The following DPP6 variants were observed in gnomAD, a reference collection of about 807,000 sequenced individuals.
The protein encoded by DPP6 is dipeptidyl peptidase like 6.
DPP6 carries 69 observed loss-of-function variants against 122.6 expected under a neutral mutation model. The observed-to-expected ratio is 0.56, with a 90% CI of 0.46 to 0.69. The LOEUF (loss-of-function observed/expected upper bound fraction) is 0.69, where lower values mean the gene tolerates loss of function less well. DPP6 is among the 30% of genes least tolerant of loss of function. The pLI is 0.00. For synonymous variants in DPP6, 418 were observed against 433.1 expected (o/e 0.97, Z 0.43); for missense variants, 928 against 1,116.9 (o/e 0.83, Z 2.41).
At chr7:153,831,785 G>A in the DPP6 span, among the ~76,000 whole-genome samples, 7 of 152,264 alleles carry the variant, frequency 4.6e-5, no homozygotes, top group Admixed American at 3.3e-4. Flanking sequence ...CCCATGAGGC[G>A]ATTGTTTGCA....
chr7:153,954,198 A>G lies in DPP6; in HGVS notation c.51+66464A>G, dbSNP rs559042460. 5.3e-5 allele frequency among the ~76,000 whole-genome samples: 8 copies of G among 152,334 alleles called. No individual in the cohort carries two copies. The East Asian group carries it at 1.5e-3, about 29-fold the overall frequency. ...GCCCTTACAAGAAAATGTCCTTTGG[A>G]CTATAATGTTTGTCTGTAAAGTGTC... On this transcript the variant is annotated intron_variant, in intron 1 of 25. Coordinates refer to the DPP6 transcript ENST00000404039.
At chr7:154,501,964 A>G (rs1373160526) in intron 3 of DPP6, among the ~76,000 whole-genome samples, 1 of 152,148 alleles carries the variant, frequency 6.6e-6, no homozygotes, top group Non-Finnish European at 1.5e-5. Flanking sequence ...GCCCAAAACC[A>G]TAAGAACCCA....
intron 1 of DPP6, among the ~76,000 whole-genome samples, chr7:153,918,524 AACACACACACACACACAC>A (rs71182852): frequency 3.9e-5 from 3 of 77,484 alleles, no homozygotes; most frequent in South Asian, 4.6e-4. Flanking sequence ...AGGTAATTAA[AACACACACACACACACAC>A]ACACACACAC....
intron 1 of DPP6, among the ~76,000 whole-genome samples, chr7:153,913,299 C>T (rs1381303973): frequency 1.3e-5 from 2 of 152,134 alleles, no homozygotes; most frequent in African/African-American, 4.8e-5. Flanking sequence ...GTCTCAAACT[C>T]CTGACCTCAA....
chr7:154,278,085 G>A (rs111647330), intron 1 of DPP6, among the ~76,000 whole-genome samples: 1 of 152,138 alleles, frequency 6.6e-6, no homozygotes, highest in Non-Finnish European at 1.5e-5. Flanking sequence ...TCTGTATAAC[G>A]AAATTCAGTG....
intron 1 of DPP6, among the ~76,000 whole-genome samples, chr7:153,955,739 CGTT>C (rs1802430920): frequency 6.6e-6 from 1 of 151,942 alleles, no homozygotes; most frequent in South Asian, 2.1e-4. Flanking sequence ...GCGCCCGGCC[CGTT>C]GTTGTTATTT....
chr7:154,548,412 C>A (rs1156390758), intron 4 of DPP6, among the ~76,000 whole-genome samples: 1 of 151,524 alleles, frequency 6.6e-6, no homozygotes, highest in Admixed American at 6.6e-5. Flanking sequence ...CCTGTAGTCC[C>A]AGCTACTCGG....
intron 3 of DPP6, among the ~76,000 whole-genome samples, chr7:154,508,305 G>T (rs946269555): frequency 6.6e-6 from 1 of 152,056 alleles, no homozygotes; most frequent in Non-Finnish European, 1.5e-5. Context: ...TCTTTCTCAC[G>T]TTGCAATTAA....
chr7:154,144,391 C>T (rs1045990816), intron 1 of DPP6, among the ~76,000 whole-genome samples: 5 of 151,714 alleles, frequency 3.3e-5, no homozygotes, highest in East Asian at 1.9e-4. Flanking sequence ...AAAATCTTTC[C>T]GTTTTATTTA....
chr7:154,878,864 G>A (rs574918970), intron 20 of DPP6, among the ~76,000 whole-genome samples: 1 of 152,294 alleles, frequency 6.6e-6, no homozygotes, highest in South Asian at 2.1e-4. Context: ...AGACACCCTG[G>A]GTCATGTGCT....
At chr7:154,637,468 G>A (rs6952388) in intron 5 of DPP6, among the ~76,000 whole-genome samples, 3,052 of 152,254 alleles carry the variant, frequency 0.02, 89 homozygotes, top group African/African-American at 0.066. Context: ...TTACTGACCC[G>A]TTGGGTCTAG....
intron 1 of DPP6, among the ~76,000 whole-genome samples, chr7:154,307,760 C>CTTTAT (rs1409221319): frequency 6.6e-6 from 1 of 151,852 alleles, no homozygotes; most frequent in Non-Finnish European, 1.5e-5. Flanking sequence ...GTTCTCCATT[C>CTTTAT]TTTATTTTAT....
intron 6 of DPP6, among the ~76,000 whole-genome samples, chr7:154,651,478 C>T (rs976335235): frequency 6.6e-6 from 1 of 152,116 alleles, no homozygotes; most frequent in Non-Finnish European, 1.5e-5. Flanking sequence ...TCTCCCCTTC[C>T]GTGGGCTAAA....
chr7:154,471,863 GAA>G (rs1338573827), intron 2 of DPP6, among the ~76,000 whole-genome samples: 1 of 152,024 alleles, frequency 6.6e-6, no homozygotes, highest in Non-Finnish European at 1.5e-5. Context: ...AGATGATCTT[GAA>G]AAAAGTTATT....
chr7:154,215,474 T>A (rs1799948436), intron 1 of DPP6, among the ~76,000 whole-genome samples: 1 of 152,136 alleles, frequency 6.6e-6, no homozygotes, highest in Non-Finnish European at 1.5e-5. Flanking sequence ...TGCGGATGGT[T>A]TTGGAGGTTA....
intron 1 of DPP6, among the ~76,000 whole-genome samples, chr7:153,898,641 T>G (rs952269491): frequency 2.0e-5 from 3 of 152,244 alleles, no homozygotes; most frequent in Admixed American, 1.3e-4. Context: ...TGGAAAGATA[T>G]TCATATAGAG....
At chr7:153,920,869 C>G (rs1323257351) in intron 1 of DPP6, among the ~76,000 whole-genome samples, 1 of 151,946 alleles carries the variant, frequency 6.6e-6, no homozygotes, top group Non-Finnish European at 1.5e-5. Flanking sequence ...CTTTCTTACA[C>G]GTTATTAATA....
intron 3 of DPP6, among the ~76,000 whole-genome samples, chr7:154,524,428 A>G (rs1827243481): frequency 1.3e-5 from 2 of 152,166 alleles, no homozygotes. Flanking sequence ...AGAATAAGTC[A>G]TTTTTCACAA....
At chr7:153,879,307 T>C in the DPP6 span, among the ~76,000 whole-genome samples, 1 of 152,082 alleles carries the variant, frequency 6.6e-6, no homozygotes, top group Non-Finnish European at 1.5e-5. Context: ...ATGCTGGGGG[T>C]AGAGGGAGAG....
Sources: gnomAD v4.1 joint callset for allele counts (sites outside exome capture counted in the v4.1 genomes callset) on GRCh38, gnomAD v4.1.1 for gene constraint, MANE v1.5 for transcripts, NCBI Gene and HGNC (gene_info 2026-07-23, HGNC 2026-07-21) for gene names.